The following PRKAR1A variants were observed in gnomAD, a reference collection of about 807,000 sequenced individuals.
The protein encoded by PRKAR1A is cAMP-dependent protein kinase type I-alpha regulatory subunit.
A neutral mutation model predicts 52.0 loss-of-function variants in PRKAR1A; 3 were observed. The observed-to-expected ratio is 0.06, with a 90% CI of 0.03 to 0.15. PRKAR1A has a LOEUF of 0.15. Ranked by LOEUF, PRKAR1A falls within the 10% of genes least tolerant of loss-of-function variation. The pLI, the probability that PRKAR1A is intolerant of heterozygous loss-of-function variation, is 1.00. For missense variants in PRKAR1A, 240 were observed against 477.4 expected (o/e 0.50, Z 4.63); for synonymous variants, 188 against 168.4 (o/e 1.12, Z -0.90).
At chr17:68,549,974 T>TTAG (rs1304595771) in intron 11 of PRKAR1A, among the ~76,000 whole-genome samples, 2 of 152,242 alleles carry the variant, frequency 1.3e-5, no homozygotes, top group African/African-American at 4.8e-5. Flanking sequence ...CCTGGCATAG[T>TTAG]TAGCCAACCA....
the PRKAR1A span, among the ~76,000 whole-genome samples, chr17:68,449,040 C>T: frequency 2.0e-5 from 3 of 152,118 alleles, no homozygotes; most frequent in Non-Finnish European, 2.9e-5. Context: ...AGAAACAATC[C>T]CTTCCTTCTC....
chr17:68,476,056 A>G, the PRKAR1A span, among the ~76,000 whole-genome samples: 1 of 152,060 alleles, frequency 6.6e-6, no homozygotes, highest in East Asian at 1.9e-4. Flanking sequence ...AATTTTGGCA[A>G]TTGCCCTATA....
the PRKAR1A span, among the ~76,000 whole-genome samples, chr17:68,482,865 G>A: frequency 6.6e-6 from 1 of 152,192 alleles, no homozygotes; most frequent in African/African-American, 2.4e-5. Context: ...CAGACCACCT[G>A]GAGCAAGCTA....
At chr17:68,530,222 T>G (rs977799673) in intron 10 of PRKAR1A, 55 bp from the exon 11 acceptor site, 29 of 1,593,406 alleles carry the variant, frequency 1.8e-5, no homozygotes, top group Non-Finnish European at 2.4e-5. Context: ...GTGCACTGCT[T>G]TAAGGAAATG....
the PRKAR1A span, chr17:68,436,239 A>G: frequency 1.4e-6 from 1 of 725,352 alleles, no homozygotes; most frequent in Non-Finnish European, 2.4e-6. Flanking sequence ...GGGAAATAGT[A>G]TCACCTTCTC....
the PRKAR1A span, among the ~76,000 whole-genome samples, chr17:68,499,641 G>C: frequency 1.3e-5 from 2 of 152,216 alleles, no homozygotes; most frequent in African/African-American, 2.4e-5. Context: ...ATGCACGTTG[G>C]GTTTCTCAGA....
the PRKAR1A span, among the ~76,000 whole-genome samples, chr17:68,457,007 A>G: frequency 6.6e-6 from 1 of 152,052 alleles, no homozygotes; most frequent in Non-Finnish European, 1.5e-5. Flanking sequence ...TCTTCCCCAG[A>G]CACCCACTTT....
intron 11 of PRKAR1A, chr17:68,541,159 TTAA>T: frequency 1.5e-6 from 1 of 672,166 alleles, no homozygotes; most frequent in Non-Finnish European, 2.4e-6. Context: ...CCTGGGTCCT[TTAA>T]GTCTGGTGGA....
At chr17:68,481,869 C>T in the PRKAR1A span, among the ~76,000 whole-genome samples, 7 of 152,144 alleles carry the variant, frequency 4.6e-5, no homozygotes, top group Non-Finnish European at 8.8e-5. Flanking sequence ...GAACTTAAAC[C>T]GAGATTTGTT....
In PRKAR1A at chr17:68,525,920, A is replaced by G; in HGVS notation, c.708+8A>G. ...TATAGAAGAATCCTCATGGTAAGAGACCATGGTGTTTGAGAGTGTGATTTA... is the reference window on the plus strand; with the variant it reads ...TATAGAAGAATCCTCATGGTAAGAGGCCATGGTGTTTGAGAGTGTGATTTA... On this transcript the variant is annotated splice_region_variant and intron_variant, in intron 7 of 10. Transcript: ENST00000589228. 2.5e-6 allele frequency: 4 copies of G among 1,613,686 alleles called. No homozygotes were observed. The highest frequency in any genetic ancestry group is 3.4e-6 in the Non-Finnish European group (4 of 1,179,746).
chr17:68,522,200 A>G (rs2085633899), intron 2 of PRKAR1A, among the ~76,000 whole-genome samples: 1 of 152,102 alleles, frequency 6.6e-6, no homozygotes, highest in African/African-American at 2.4e-5. Flanking sequence ...ACCCTCTCCT[A>G]TTTGTTTTTA....
intron 11 of PRKAR1A, among the ~76,000 whole-genome samples, chr17:68,547,832 T>G (rs12942149): frequency 3.5e-4 from 53 of 152,130 alleles, no homozygotes; most frequent in Non-Finnish European, 5.6e-4. Context: ...TCAAGAACTT[T>G]TCCTTTGCAT....
the PRKAR1A span, chr17:68,421,615 TGAG>T: frequency 2.1e-6 from 2 of 969,690 alleles, no homozygotes; most frequent in Non-Finnish European, 3.2e-6. Flanking sequence ...GGAAGCTTGG[TGAG>T]GAGTTAACCA....
rs746063338 is a variant in PRKAR1A, at chr17:68,543,720, G to A, written c.974-7364G>A. 1.1e-5 allele frequency: 18 copies of A among 1,613,670 alleles called. No individual in the cohort carries two copies. The highest frequency in any genetic ancestry group is 1.5e-5 in the Non-Finnish European group (18 of 1,179,666). ...ACTGGTGTCTCCTCATCTCGCTGCT[G>A]TCTGGAAGGAAGGAAGGAATCACGC... On this transcript the variant is annotated intron_variant, in intron 11 of 11. Coordinates refer to the PRKAR1A transcript ENST00000585981.
the PRKAR1A span, among the ~76,000 whole-genome samples, chr17:68,500,621 C>A: frequency 6.6e-6 from 1 of 151,498 alleles, no homozygotes; most frequent in Admixed American, 6.6e-5. Context: ...TCAAGTGATT[C>A]TCCTGCCTCA....
At chr17:68,494,194 G>T in the PRKAR1A span, among the ~76,000 whole-genome samples, 71 of 152,286 alleles carry the variant, frequency 4.7e-4, no homozygotes, top group African/African-American at 1.4e-3. Flanking sequence ...TGACGGACTG[G>T]GTTTAATTCC....
intron 2 of PRKAR1A, chr17:68,515,963 G>C (rs1385498003): frequency 4.3e-6 from 1 of 229,950 alleles, no homozygotes; most frequent in Non-Finnish European, 8.8e-6. Context: ...AAGCAAGTAA[G>C]CGTAGTAAAT....
chr17:68,533,930 T>C (rs1025410499), downstream of PRKAR1A, among the ~76,000 whole-genome samples: 6 of 152,210 alleles, frequency 3.9e-5, no homozygotes, highest in East Asian at 1.9e-4. Flanking sequence ...GGTTTTGCCA[T>C]GTAGCCTAGG....
chr17:68,420,370 C>T, the PRKAR1A span: 4,623 of 1,614,116 alleles, frequency 2.9e-3, 118 homozygotes, highest in African/African-American at 0.055. Context: ...ACATTGCCAA[C>T]GACAACATCT....
Sources: allele counts gnomAD v4.1 joint callset (sites outside exome capture counted in the v4.1 genomes callset), GRCh38; gene constraint gnomAD v4.1.1; transcripts MANE v1.5; gene names NCBI Gene and HGNC (gene_info 2026-07-23, HGNC 2026-07-21).